Variants in ATF7IP observed in about 807,000 individuals in gnomAD.
The protein encoded by ATF7IP is activating transcription factor 7 interacting protein, also known as activating transcription factor 7-interacting protein 1.
A neutral mutation model predicts 106.4 loss-of-function variants in ATF7IP; 23 were observed. The ratio of observed to expected loss-of-function variants is 0.22; its 90% CI spans 0.16 to 0.31. ATF7IP has a LOEUF of 0.31. ATF7IP is among the 10% of genes least tolerant of loss of function. The pLI is 1.00. For missense variants in ATF7IP, 1,334 were observed against 1,524.3 expected (o/e 0.88, Z 2.08); for synonymous variants, 542 against 539.0 (o/e 1.01, Z -0.08).
At chr12:14,405,403 CTTTTTTTTTTTT>C (rs145211652) in intron 1 of ATF7IP, among the ~76,000 whole-genome samples, 15 of 83,568 alleles carry the variant, frequency 1.8e-4, no homozygotes, top group South Asian at 5.1e-4. Context: ...TTTCTTTCAT[CTTTTTTTTTTTT>C]TTTTTTTTTT....
Position 14,502,321 on chromosome 12 carries a change from G to C in ATF7IP, c.*4248G>C, listed in dbSNP as rs2136896584. On this transcript the variant is annotated 3_prime_UTR_variant, in exon 15 of 15. Transcript: ENST00000261168. ...AGCAATTCTCATGAAGCGTTTGTTAGTGTGGCAGACTTGTCTAATTCCTGA... is the reference window on the plus strand; with the variant it reads ...AGCAATTCTCATGAAGCGTTTGTTACTGTGGCAGACTTGTCTAATTCCTGA... The C allele has an allele frequency of 6.6e-6, 1 of 152,266 alleles. No homozygotes were observed. Among genetic ancestry groups the C allele is most frequent in the Admixed American group, 6.5e-5 (1 of 15,292 alleles). The allele number at this position is 152,266 out of a possible 1,614,324, so 9.4% of individuals were successfully genotyped here.
chr12:14,461,036 A>G lies in ATF7IP; in HGVS notation c.2700A>G (p.Pro900=), dbSNP rs199558423. ...TGGGCCCATCAGGACTCTATAGTCCATCAACTAATCGAGGTCCTATACAGA... is the reference window on the plus strand; with the variant it reads ...TGGGCCCATCAGGACTCTATAGTCCGTCAACTAATCGAGGTCCTATACAGA... ...PTVGPSGLYS[P]STNRGPIQMK... The change falls in exon 9 of 15, where the codon CCA becomes CCG. Residue 900 remains proline, a synonymous_variant. Transcript: ENST00000261168. 7.4e-6 allele frequency: 12 copies of G among 1,614,130 alleles called. No individual in the cohort carries two copies. Among genetic ancestry groups the G allele is most frequent in the Middle Eastern group, 1.7e-4 (1 of 6,060 alleles).
intron 5 of ATF7IP, among the ~76,000 whole-genome samples, chr12:14,438,531 T>C (rs1366316389): frequency 6.6e-6 from 1 of 151,548 alleles, no homozygotes; most frequent in Non-Finnish European, 1.5e-5. Flanking sequence ...TTTTGAGGGC[T>C]GTGCTGTGAG....
chr12:14,457,315 C>T lies in ATF7IP; in HGVS notation c.2158+20C>T, dbSNP rs1943465699. ...ATACAGGTAACTTTTTTTTTAAATA[C>T]CAAAATACATTTTCTTAGGAATTAA... is the stretch of plus-strand genomic sequence containing the variant. On this transcript the variant is annotated intron_variant, in intron 8 of 14. Transcript: ENST00000261168. 6.0e-6 allele frequency: 9 copies of T among 1,511,058 alleles called. No homozygotes were observed. The South Asian group carries it at 9.5e-5, about 16-fold the overall frequency. The allele number at this position is 1,511,058 out of a possible 1,614,324, so 93.6% of individuals were successfully genotyped here.
At chr12:14,448,260 A>G (rs1323382746) in intron 6 of ATF7IP, among the ~76,000 whole-genome samples, 1 of 152,156 alleles carries the variant, frequency 6.6e-6, no homozygotes, top group African/African-American at 2.4e-5. Context: ...CTCTTCCCCT[A>G]GCTTCCCCTG....
intron 13 of ATF7IP, among the ~76,000 whole-genome samples, chr12:14,485,118 C>T (rs754227860): frequency 3.4e-4 from 51 of 152,062 alleles, no homozygotes; most frequent in Non-Finnish European, 6.2e-4. Flanking sequence ...CCTCAAGCAC[C>T]ATTGAATCTG....
chr12:14,386,491 A>G (rs1156620449), intron 1 of ATF7IP, among the ~76,000 whole-genome samples: 1 of 152,134 alleles, frequency 6.6e-6, no homozygotes, highest in Non-Finnish European at 1.5e-5. Flanking sequence ...AGTAAGTTCT[A>G]AACTTTCTGA....
intron 14 of ATF7IP, among the ~76,000 whole-genome samples, chr12:14,497,404 C>T (rs1457303032): frequency 6.6e-6 from 1 of 151,994 alleles, no homozygotes; most frequent in Non-Finnish European, 1.5e-5. Flanking sequence ...CTTTTTATTT[C>T]CTAAGAAAAA....
At chr12:14,442,432 CT>C (rs1445765997) in intron 5 of ATF7IP, among the ~76,000 whole-genome samples, 1 of 152,144 alleles carries the variant, frequency 6.6e-6, no homozygotes, top group Non-Finnish European at 1.5e-5. Context: ...CTGCCCTTCA[CT>C]CTGGGTATAG....
chr12:14,494,327 A>G (rs368873212), intron 13 of ATF7IP, among the ~76,000 whole-genome samples: 14,626 of 86,642 alleles, frequency 0.17, 1,855 homozygotes, highest in Middle Eastern at 0.29. Flanking sequence ...ATATATATAT[A>G]TATATATGTG....
chr12:14,401,918 T>C (rs1384123973), intron 1 of ATF7IP, among the ~76,000 whole-genome samples: 2 of 151,276 alleles, frequency 1.3e-5, no homozygotes, highest in East Asian at 2.0e-4. Flanking sequence ...TTTACCTTGT[T>C]GTCCAGGCTG....
chr12:14,447,930 T>C (rs1345674412), intron 6 of ATF7IP, among the ~76,000 whole-genome samples: 1 of 151,986 alleles, frequency 6.6e-6, no homozygotes. Context: ...CTTGTTGGTG[T>C]TTCCTTCATT....
At chr12:14,404,079 C>A (rs570452269) in intron 1 of ATF7IP, among the ~76,000 whole-genome samples, 1 of 150,908 alleles carries the variant, frequency 6.6e-6, no homozygotes, top group African/African-American at 2.4e-5. Context: ...ATTGGTAATA[C>A]TAACCCTATC....
Position 14,456,556 on chromosome 12 carries a change from C to T in ATF7IP, c.1996-5C>T. 1.9e-6 allele frequency: 3 copies of T among 1,606,930 alleles called. No homozygotes were observed. The highest frequency in any genetic ancestry group is 2.6e-6 in the Non-Finnish European group (3 of 1,176,442). On this transcript the variant is annotated splice_region_variant and splice_polypyrimidine_tract_variant and intron_variant, in intron 6 of 14. Transcript: ENST00000261168. ...TTTTTACCTTGATTTTTTTTTCTCC[C>T]CCAGCATCCACCCAACCCACCAGTA...
At chr12:14,375,453 T>C (rs544352118) in intron 1 of ATF7IP, among the ~76,000 whole-genome samples, 2 of 152,184 alleles carry the variant, frequency 1.3e-5, no homozygotes, top group Admixed American at 6.5e-5. Flanking sequence ...GATGGAATGA[T>C]ATAATTATTT....
chr12:14,429,776 G>C (rs985423396), intron 2 of ATF7IP, among the ~76,000 whole-genome samples: 1 of 152,118 alleles, frequency 6.6e-6, no homozygotes, highest in Non-Finnish European at 1.5e-5. Context: ...TGTTACTTAT[G>C]TACTTGGCTT....
In ATF7IP at chr12:14,502,425, A is replaced by G. The variant is rs1343761148; in HGVS notation, c.*4352A>G. 1 of 149,728 alleles carries G rather than the reference A, an allele frequency of 6.7e-6. No homozygotes were observed. The highest frequency in any genetic ancestry group is 2.4e-5 in the African/African-American group (1 of 41,162). 9.3% of individuals were successfully genotyped at this position (149,728 alleles called of 1,614,324 possible). ...ACATGTTTTGTTTTCTCATTTTCAA[A>G]TAATTTACCATGTTAAAATAAACTT... On this transcript the variant is annotated 3_prime_UTR_variant, in exon 15 of 15. Transcript: ENST00000261168.
At chr12:14,485,300 G>A (rs959421766) in intron 13 of ATF7IP, among the ~76,000 whole-genome samples, 2 of 151,444 alleles carry the variant, frequency 1.3e-5, no homozygotes, top group South Asian at 2.1e-4. Flanking sequence ...AATCTAAATC[G>A]GCCCACTAGA....
At chr12:14,469,547 C>T (rs1183922914) in intron 10 of ATF7IP, among the ~76,000 whole-genome samples, 1 of 151,398 alleles carries the variant, frequency 6.6e-6, no homozygotes, top group Non-Finnish European at 1.5e-5. Context: ...TATTTTATTA[C>T]TATATATCAT....
Sources: allele counts gnomAD v4.1 joint callset (sites outside exome capture counted in the v4.1 genomes callset), GRCh38; gene constraint gnomAD v4.1.1; transcripts MANE v1.5; gene names NCBI Gene and HGNC (gene_info 2026-07-23, HGNC 2026-07-21).